Variants in OPHN1 observed in about 807,000 individuals in gnomAD.
The protein encoded by OPHN1 is oligophrenin 1.
A neutral mutation model predicts 60.7 loss-of-function variants in OPHN1; 11 were observed. The observed-to-expected ratio is 0.18, with a 90% CI of 0.11 to 0.30. The LOEUF (loss-of-function observed/expected upper bound fraction) is 0.30. Among genes scored for constraint, OPHN1 ranks in the 10% least tolerant of loss-of-function variants. OPHN1 has a pLI of 1.00. For missense variants in OPHN1, 449 were observed against 611.0 expected, an observed-to-expected ratio of 0.73 and a Z score of 2.80; for synonymous variants, 226 against 222.6, an observed-to-expected ratio of 1.02 and a Z score of -0.14.
chrX:68,328,189 C>T (rs2078276391), intron 2 of OPHN1, among the ~76,000 whole-genome samples: 1 of 99,334 alleles, frequency 1.0e-5, no homozygotes, highest in Admixed American at 1.1e-4. Flanking sequence ...AGTGCAGTGG[C>T]GCGATCTCGG....
intron 2 of OPHN1, among the ~76,000 whole-genome samples, chrX:68,313,464 G>A (rs2078183847): frequency 8.9e-6 from 1 of 111,863 alleles, no homozygotes; most frequent in African/African-American, 3.3e-5. Flanking sequence ...TACCACAAAT[G>A]AGATCTAATC....
intron 3 of OPHN1, among the ~76,000 whole-genome samples, chrX:68,293,367 G>A (rs2078079251): frequency 8.9e-6 from 1 of 111,996 alleles, no homozygotes; most frequent in East Asian, 2.8e-4. Context: ...CAGGATCAGG[G>A]GACTGACAAT....
At chrX:68,296,647 T>TAA (rs751623342) in intron 3 of OPHN1, among the ~76,000 whole-genome samples, 17 of 68,413 alleles carry the variant, frequency 2.5e-4, no homozygotes, top group East Asian at 4.4e-4. Context: ...GACTCCATCT[T>TAA]AAAAAAAAAA....
At chrX:68,207,006 T>A (rs1410979013) in intron 9 of OPHN1, among the ~76,000 whole-genome samples, 1 of 111,914 alleles carries the variant, frequency 8.9e-6, no homozygotes, top group African/African-American at 3.2e-5. Flanking sequence ...ATGTCATTGG[T>A]CATTGGGTTA....
Position 68,337,872 on chromosome X carries a change from T to C in OPHN1, c.155-38776A>G, listed in dbSNP as rs571965907. On this transcript the variant is annotated intron_variant, in intron 2 of 24. Coordinates refer to ENST00000355520, the MANE Select transcript of OPHN1 (RefSeq NM_002547.3). Reference sequence around the variant, plus strand: ...TACGAGTCAATCCATCAAGAAGATATAACAATTATAAACATGTATGCACAT... The same window carrying C: ...TACGAGTCAATCCATCAAGAAGATACAACAATTATAAACATGTATGCACAT... 1.1e-4 allele frequency among the ~76,000 whole-genome samples: 12 copies of C among 106,296 alleles called. No individual in the cohort carries two copies. In the South Asian group the frequency reaches 4.8e-3, roughly 43 times the overall value. 92.3% of individuals were successfully genotyped at this position (106,296 alleles called of 115,157 possible).
intron 5 of OPHN1, among the ~76,000 whole-genome samples, chrX:68,272,270 A>G (rs904082344): frequency 9.0e-6 from 1 of 111,307 alleles, no homozygotes; most frequent in African/African-American, 3.3e-5. Context: ...TTACTGGTAA[A>G]GAAGTATGAA....
chrX:68,103,973 G>A (rs753542188), intron 18 of OPHN1, among the ~76,000 whole-genome samples: 14 of 112,122 alleles, frequency 1.2e-4, no homozygotes, highest in Admixed American at 2.8e-4. Flanking sequence ...ATTCAGCAAA[G>A]TCTCAGAAAA....
chrX:68,416,053 TATATATATATATATAGAGAGAG>T (rs1240400785), intron 2 of OPHN1, among the ~76,000 whole-genome samples: 454 of 11,003 alleles, frequency 0.041, 3 homozygotes, highest in Middle Eastern at 0.1. Flanking sequence ...TATATATATA[TATATATATATATATAGAGAGAG>T]AGAGAGAGAG....
At chrX:68,285,088 G>C (rs1400781218) in intron 3 of OPHN1, among the ~76,000 whole-genome samples, 1 of 111,863 alleles carries the variant, frequency 8.9e-6, no homozygotes, top group Non-Finnish European at 1.9e-5. Flanking sequence ...AATTCAAGTA[G>C]TCTCACGGTC....
intron 6 of OPHN1, among the ~76,000 whole-genome samples, chrX:68,232,388 A>G (rs1329633972): frequency 1.8e-5 from 2 of 111,560 alleles, no homozygotes; most frequent in Non-Finnish European, 3.8e-5. Context: ...GCTAGGTAAA[A>G]GCTTCCAAAA....
rs762638987 is a variant in OPHN1, at chrX:68,198,915, G to A, written c.1026-1651C>T. On this transcript the variant is annotated intron_variant, in intron 11 of 24. Transcript: ENST00000355520. ...TCTTAATGACAGTCTTGTGGTTACTGGCAACAATATATACTTCCACAGCCA... is the reference window on the plus strand; with the variant it reads ...TCTTAATGACAGTCTTGTGGTTACTAGCAACAATATATACTTCCACAGCCA... 3.6e-5 allele frequency among the ~76,000 whole-genome samples: 4 copies of A among 111,401 alleles called. No homozygotes were observed. In the East Asian group the frequency reaches 1.1e-3, roughly 32 times the overall value.
chrX:68,158,227 C>G (rs2077318756), intron 15 of OPHN1, among the ~76,000 whole-genome samples: 1 of 112,698 alleles, frequency 8.9e-6, no homozygotes, highest in South Asian at 3.7e-4. Flanking sequence ...GAAAGAGAAA[C>G]TAGCTAGTGC....
At chrX:68,234,091 C>CAAAAA (rs33932284) in intron 6 of OPHN1, among the ~76,000 whole-genome samples, 4 of 44,157 alleles carry the variant, frequency 9.1e-5, no homozygotes, top group African/African-American at 2.7e-4. Context: ...AACCCCTCAC[C>CAAAAA]AAAAAAAAAA....
chrX:68,394,339 AACT>A (rs1366825158), intron 2 of OPHN1, among the ~76,000 whole-genome samples: 2 of 111,653 alleles, frequency 1.8e-5, no homozygotes, highest in African/African-American at 6.5e-5. Context: ...ACACTGCTTT[AACT>A]ACTATAGCTT....
chrX:68,136,592 C>T (rs1462331704), intron 15 of OPHN1, among the ~76,000 whole-genome samples: 1 of 111,006 alleles, frequency 9.0e-6, no homozygotes, highest in Non-Finnish European at 1.9e-5. Context: ...CGTGAGCCAC[C>T]GCGCTTGGCC....
At chrX:68,314,153 A>G (rs1231074092) in intron 2 of OPHN1, among the ~76,000 whole-genome samples, 4 of 112,075 alleles carry the variant, frequency 3.6e-5, no homozygotes, top group Non-Finnish European at 5.6e-5. Context: ...CACACAACCT[A>G]CAAAAACTGA....
chrX:68,080,055 G>C (rs1363534204), intron 19 of OPHN1, among the ~76,000 whole-genome samples: 1 of 111,762 alleles, frequency 8.9e-6, no homozygotes, highest in Non-Finnish European at 1.9e-5. Flanking sequence ...CCAAGTGCAG[G>C]TAGAGTGATC....
intron 5 of OPHN1, among the ~76,000 whole-genome samples, chrX:68,266,902 A>C (rs1208413743): frequency 9.0e-6 from 1 of 111,578 alleles, no homozygotes; most frequent in Non-Finnish European, 1.9e-5. Flanking sequence ...AACAGACTTT[A>C]AACCAACAAA....
At chrX:68,243,140 C>T (rs760796052) in intron 5 of OPHN1, among the ~76,000 whole-genome samples, 2 of 111,116 alleles carry the variant, frequency 1.8e-5, no homozygotes, top group Non-Finnish European at 1.9e-5. Flanking sequence ...GCTAGGATTA[C>T]AGTCATGAGC....
Sources: gnomAD v4.1 joint callset for allele counts (sites outside exome capture counted in the v4.1 genomes callset) on GRCh38, gnomAD v4.1.1 for gene constraint, MANE v1.5 for transcripts, NCBI Gene and HGNC (gene_info 2026-07-23, HGNC 2026-07-21) for gene names.